BBS9: variants seen among roughly 807,000 people sequenced by gnomAD.
BBS9 encodes the protein Bardet-Biedl syndrome 9.
BBS9 carries 89 observed loss-of-function variants against 117.7 expected under a neutral mutation model. The ratio of observed to expected loss-of-function variants is 0.76; its 90% CI spans 0.64 to 0.90. The LOEUF is 0.90. BBS9 is among the 40% of genes least tolerant of loss of function. BBS9 has a pLI of 0.00. For missense variants in BBS9, 982 were observed against 1,042.2 expected (o/e 0.94, Z 0.80); for synonymous variants, 379 against 370.9 (o/e 1.02, Z -0.25).
At chr7:33,461,113 T>C (rs1839408762) in intron 19 of BBS9, among the ~76,000 whole-genome samples, 1 of 152,068 alleles carries the variant, frequency 6.6e-6, no homozygotes, top group African/African-American at 2.4e-5. Flanking sequence ...GGCTGTACCA[T>C]GCTTTGTTTT....
At chr7:33,369,847 A>G (rs1822523300) in intron 17 of BBS9, among the ~76,000 whole-genome samples, 1 of 152,210 alleles carries the variant, frequency 6.6e-6, no homozygotes, top group African/African-American at 2.4e-5. Flanking sequence ...TAGTCCAGCA[A>G]TCTGCTTTAC....
At chr7:33,515,026 GA>G (rs1031125731) in intron 20 of BBS9, among the ~76,000 whole-genome samples, 19 of 152,168 alleles carry the variant, frequency 1.2e-4, no homozygotes, top group African/African-American at 4.6e-4. Flanking sequence ...CCTGGCATGT[GA>G]CAGGCATCCA....
chr7:33,130,708 AT>A (rs977094971), intron 1 of BBS9, among the ~76,000 whole-genome samples: 3 of 152,076 alleles, frequency 2.0e-5, no homozygotes, highest in Middle Eastern at 3.4e-3. Flanking sequence ...AATTACTGAG[AT>A]TTTTTTCATG....
chr7:33,617,620 G>T (rs1250432092), intron 21 of BBS9, among the ~76,000 whole-genome samples: 2 of 152,140 alleles, frequency 1.3e-5, no homozygotes, highest in African/African-American at 2.4e-5. Context: ...TCAGTGAACT[G>T]CAAGAAAACA....
chr7:33,168,493 T>C (rs1251102445), intron 4 of BBS9, among the ~76,000 whole-genome samples: 1 of 152,194 alleles, frequency 6.6e-6, no homozygotes, highest in East Asian at 1.9e-4. Context: ...TTACTGTGTC[T>C]TATTAATAAA....
chr7:33,585,108 T>G (rs1585364981), intron 21 of BBS9, among the ~76,000 whole-genome samples: 1 of 152,128 alleles, frequency 6.6e-6, no homozygotes, highest in Non-Finnish European at 1.5e-5. Flanking sequence ...TCCTTTGTAA[T>G]TATATGCTGG....
chr7:33,446,568 T>C (rs545382029), intron 19 of BBS9, among the ~76,000 whole-genome samples: 1 of 152,234 alleles, frequency 6.6e-6, no homozygotes, highest in East Asian at 1.9e-4. Context: ...GAGGCCTTCA[T>C]TTAAGGTTTA....
chr7:33,169,805 CTTTAG>C (rs1420313031), intron 4 of BBS9, among the ~76,000 whole-genome samples: 2 of 151,202 alleles, frequency 1.3e-5, no homozygotes, highest in Admixed American at 1.3e-4. Flanking sequence ...TGCAGAAGCT[CTTTAG>C]TTTAATTAGA....
At chr7:33,291,191 C>T (rs899086663) in intron 9 of BBS9, among the ~76,000 whole-genome samples, 38 of 152,026 alleles carry the variant, frequency 2.5e-4, no homozygotes, top group African/African-American at 8.7e-4. Context: ...ATAGTAAATT[C>T]TTTACTTTTA....
chr7:33,209,635 T>C (rs1787635694), intron 5 of BBS9, among the ~76,000 whole-genome samples: 1 of 152,210 alleles, frequency 6.6e-6, no homozygotes, highest in South Asian at 2.1e-4. Context: ...GTTGTATGTG[T>C]CTAGGAATTT....
intron 10 of BBS9, 75 bp from the exon 11 acceptor site, chr7:33,340,822 C>A: frequency 7.5e-7 from 1 of 1,339,938 alleles, no homozygotes. Flanking sequence ...GTGGTATAGA[C>A]AAACCTTTAA....
chr7:33,393,552 C>T (rs1827429874), intron 19 of BBS9, among the ~76,000 whole-genome samples: 1 of 152,154 alleles, frequency 6.6e-6, no homozygotes, highest in Non-Finnish European at 1.5e-5. Context: ...ATGAGTAGAA[C>T]AAGACACCTG....
Position 33,208,284 on chromosome 7 carries a change from G to A in BBS9, c.442+30693G>A, listed in dbSNP as rs1033913192. Among the ~76,000 whole-genome samples, 8 of 152,228 alleles carry A rather than the reference G, an allele frequency of 5.3e-5. No individual in the cohort carries two copies. The South Asian group carries it at 1.5e-3, about 28-fold the overall frequency. ...TGCTCATGTCTATAATACATCTAAA[G>A]TAGCTGCAGAATTGATTTTGACCAT... On this transcript the variant is annotated intron_variant, in intron 5 of 22. Transcript: ENST00000242067.
At chr7:33,623,708 A>G (rs1865516260) in intron 21 of BBS9, among the ~76,000 whole-genome samples, 1 of 152,238 alleles carries the variant, frequency 6.6e-6, no homozygotes, top group African/African-American at 2.4e-5. Context: ...TAAAGCTACA[A>G]GGATTAACAT....
chr7:33,616,495 A>ATG (rs1240511644), intron 21 of BBS9, among the ~76,000 whole-genome samples: 8 of 124,884 alleles, frequency 6.4e-5, no homozygotes, highest in Admixed American at 5.4e-4. Context: ...GTGTGTGTGT[A>ATG]TATATATATA....
At chr7:33,426,319 T>C (rs980374524) in intron 19 of BBS9, among the ~76,000 whole-genome samples, 1 of 152,222 alleles carries the variant, frequency 6.6e-6, no homozygotes, top group African/African-American at 2.4e-5. Flanking sequence ...ATTATCTCAA[T>C]TATTTTAAAG....
chr7:33,542,819 A>T (rs1852605240), intron 21 of BBS9, among the ~76,000 whole-genome samples: 1 of 151,402 alleles, frequency 6.6e-6, no homozygotes, highest in Admixed American at 6.6e-5. Flanking sequence ...ACACACACAC[A>T]CACACACACA....
chr7:33,512,208 A>G (rs985840928), intron 20 of BBS9, among the ~76,000 whole-genome samples: 3 of 152,208 alleles, frequency 2.0e-5, no homozygotes, highest in Non-Finnish European at 2.9e-5. Flanking sequence ...TGAATATGGT[A>G]TATCTTAGAG....
At chr7:33,337,979 A>C (rs1815726101) in intron 10 of BBS9, among the ~76,000 whole-genome samples, 1 of 151,858 alleles carries the variant, frequency 6.6e-6, no homozygotes, top group Non-Finnish European at 1.5e-5. Flanking sequence ...AATCCCTTAC[A>C]GCTAAAAGTT....
Sources: gnomAD v4.1 joint callset for allele counts (sites outside exome capture counted in the v4.1 genomes callset) on GRCh38, gnomAD v4.1.1 for gene constraint, MANE v1.5 for transcripts, NCBI Gene and HGNC (gene_info 2026-07-23, HGNC 2026-07-21) for gene names.